TMEM132D: variants seen among roughly 807,000 people sequenced by gnomAD.
TMEM132D encodes the protein mature OL transmembrane protein.
A neutral mutation model predicts 62.3 loss-of-function variants in TMEM132D; 21 were observed. The observed-to-expected ratio is 0.34, with a 90% CI of 0.24 to 0.49. The LOEUF (loss-of-function observed/expected upper bound fraction) is 0.49. TMEM132D is among the 20% of genes least tolerant of loss of function. The pLI, the probability that TMEM132D is intolerant of heterozygous loss-of-function variation, is 0.99. For missense variants in TMEM132D, 1,346 were observed against 1,402.8 expected, an observed-to-expected ratio of 0.96 and a Z score of 0.65; for synonymous variants, 621 against 575.6, an observed-to-expected ratio of 1.08 and a Z score of -1.13.
chr12:129,533,405 A>G (rs183450587), intron 2 of TMEM132D, among the ~76,000 whole-genome samples: 30 of 152,348 alleles, frequency 2.0e-4, no homozygotes, highest in Non-Finnish European at 3.7e-4. Flanking sequence ...GTGGACAGCT[A>G]CTATTATACT....
At chr12:129,131,756 C>T (rs1399450184) in intron 5 of TMEM132D, among the ~76,000 whole-genome samples, 1 of 152,110 alleles carries the variant, frequency 6.6e-6, no homozygotes, top group Admixed American at 6.5e-5. Flanking sequence ...CACTTAAATA[C>T]CATCACACTC....
intron 3 of TMEM132D, among the ~76,000 whole-genome samples, chr12:129,402,157 G>C (rs555403345): frequency 6.6e-6 from 1 of 152,164 alleles, no homozygotes; most frequent in African/African-American, 2.4e-5. Context: ...ATCTGCTGTC[G>C]GAACTTGATG....
At chr12:129,543,398 ATGGATG>A (rs1443567333) in intron 2 of TMEM132D, among the ~76,000 whole-genome samples, 317 of 141,406 alleles carry the variant, frequency 2.2e-3, no homozygotes, top group African/African-American at 7.8e-3. Flanking sequence ...GGATGGATGG[ATGGATG>A]GATAGACAGA....
At chr12:129,356,911 TAAGGA>T (rs1368731140) in intron 3 of TMEM132D, among the ~76,000 whole-genome samples, 2 of 76,396 alleles carry the variant, frequency 2.6e-5, no homozygotes, top group Admixed American at 2.2e-4. Context: ...AAAGGAAAGG[TAAGGA>T]AAGGAGAGGA....
At chr12:129,562,875 C>A (rs1040427323) in intron 2 of TMEM132D, among the ~76,000 whole-genome samples, 4 of 152,190 alleles carry the variant, frequency 2.6e-5, no homozygotes, top group Non-Finnish European at 5.9e-5. Context: ...GGGAAGACTT[C>A]TCTGATTTAA....
intron 3 of TMEM132D, among the ~76,000 whole-genome samples, chr12:129,358,916 A>G (rs1192823162): frequency 6.6e-6 from 1 of 152,004 alleles, no homozygotes; most frequent in South Asian, 2.1e-4. Context: ...GGGATTGAGG[A>G]AGGAGATGCT....
intron 2 of TMEM132D, among the ~76,000 whole-genome samples, chr12:129,666,045 G>A (rs76572811): frequency 3.9e-5 from 6 of 152,178 alleles, no homozygotes; most frequent in Admixed American, 2.6e-4. Context: ...GCCTCGCAAT[G>A]AAATAAATGC....
At chr12:129,555,625 C>A (rs1877032995) in intron 2 of TMEM132D, among the ~76,000 whole-genome samples, 1 of 152,182 alleles carries the variant, frequency 6.6e-6, no homozygotes, top group Admixed American at 6.5e-5. Context: ...AACTAATTGT[C>A]AGGGAAAGAT....
At chr12:129,188,034 G>A (rs1231435305) in intron 5 of TMEM132D, among the ~76,000 whole-genome samples, 2 of 152,226 alleles carry the variant, frequency 1.3e-5, no homozygotes, top group Non-Finnish European at 2.9e-5. Context: ...TAGACTGACA[G>A]CAACAATGGC....
intron 1 of TMEM132D, among the ~76,000 whole-genome samples, chr12:129,711,335 A>C (rs1305795627): frequency 6.6e-6 from 1 of 152,176 alleles, no homozygotes; most frequent in African/African-American, 2.4e-5. Context: ...TGATAAATAT[A>C]TCTAGAATCT....
Position 129,102,119 on chromosome 12 carries a change from TTAG to T in TMEM132D, c.1444-17420_1444-17418del, listed in dbSNP as rs137873468. Among the ~76,000 whole-genome samples, 1,015 of 152,268 alleles carry T rather than the reference TTAG, an allele frequency of 6.7e-3. 7 individuals carry two copies. The highest frequency in any genetic ancestry group is 0.01 in the Non-Finnish European group (685 of 68,034). On this transcript the variant is annotated intron_variant, in intron 5 of 8. Transcript: ENST00000422113. The stretch of plus-strand genomic sequence containing the variant: ...GAGATGACCCTTGCCTGGGTATTTT[TTAG>T]TCCATTTCCCTCTGTGCTGTTGGTA...
At chr12:129,080,201 T>C (rs1006710922) in intron 7 of TMEM132D, among the ~76,000 whole-genome samples, 6 of 152,202 alleles carry the variant, frequency 3.9e-5, no homozygotes, top group Admixed American at 6.5e-5. Context: ...AGCCAGAAGA[T>C]TGCATATAAA....
intron 1 of TMEM132D, among the ~76,000 whole-genome samples, chr12:129,759,444 C>T (rs1870279690): frequency 6.6e-6 from 1 of 152,178 alleles, no homozygotes; most frequent in South Asian, 2.1e-4. Flanking sequence ...GGAAGGAAGC[C>T]TTACTCCCGT....
intron 6 of TMEM132D, among the ~76,000 whole-genome samples, chr12:129,082,875 C>A (rs2135617965): frequency 6.6e-6 from 1 of 152,240 alleles, no homozygotes; most frequent in Admixed American, 6.5e-5. Context: ...GACTACTGTG[C>A]AAGCCACCAT....
At chr12:129,879,932 A>G (rs1307483017) in intron 1 of TMEM132D, among the ~76,000 whole-genome samples, 1 of 152,164 alleles carries the variant, frequency 6.6e-6, no homozygotes, top group Admixed American at 6.5e-5. Context: ...AGGGGAGAGG[A>G]AAACAGGAAA....
intron 3 of TMEM132D, among the ~76,000 whole-genome samples, chr12:129,487,835 G>A (rs1039732271): frequency 6.6e-6 from 1 of 151,096 alleles, no homozygotes; most frequent in South Asian, 2.1e-4. Flanking sequence ...TACTCGGGAG[G>A]CTGAGGCAGG....
intron 3 of TMEM132D, among the ~76,000 whole-genome samples, chr12:129,480,600 A>T (rs546324283): frequency 5.1e-4 from 77 of 152,286 alleles, no homozygotes; most frequent in Non-Finnish European, 8.5e-4. Flanking sequence ...GCATATGACC[A>T]TCTGGTTCTG....
intron 2 of TMEM132D, among the ~76,000 whole-genome samples, chr12:129,557,983 C>A (rs897800371): frequency 6.6e-6 from 1 of 152,042 alleles, no homozygotes; most frequent in African/African-American, 2.4e-5. Context: ...TTTTAAAGAG[C>A]AATTACTCAA....
At chr12:129,738,424 G>T (rs1420009893) in intron 1 of TMEM132D, among the ~76,000 whole-genome samples, 1 of 152,052 alleles carries the variant, frequency 6.6e-6, no homozygotes, top group East Asian at 1.9e-4. Flanking sequence ...AGGAAGAGGG[G>T]GGAAGGAAAA....
Sources: allele counts gnomAD v4.1 joint callset (sites outside exome capture counted in the v4.1 genomes callset), GRCh38; gene constraint gnomAD v4.1.1; transcripts MANE v1.5; gene names NCBI Gene and HGNC (gene_info 2026-07-23, HGNC 2026-07-21).